Variants in DNA2 observed in about 807,000 individuals in gnomAD.
The protein encoded by DNA2 is DNA replication helicase/nuclease 2, also known as DNA replication ATP-dependent helicase/nuclease DNA2.
In DNA2, 101 loss-of-function variants were observed where a neutral mutation model predicts 119.1. The ratio of observed to expected loss-of-function variants is 0.85; its 90% CI spans 0.72 to 1.00. DNA2 has a LOEUF of 1.00. Among genes scored for constraint, DNA2 ranks in the 50% least tolerant of loss-of-function variants. The pLI is 0.00. For synonymous variants in DNA2, 366 were observed against 424.4 expected, an observed-to-expected ratio of 0.86 and a Z score of 1.69; for missense variants, 1,121 against 1,255.5, an observed-to-expected ratio of 0.89 and a Z score of 1.62.
At chr10:68,453,131 C>T (rs991958472) in intron 5 of DNA2, among the ~76,000 whole-genome samples, 2 of 150,424 alleles carry the variant, frequency 1.3e-5, no homozygotes, top group Admixed American at 6.6e-5. Context: ...TAACTCCTGA[C>T]CTCAGGTGAT....
intron 14 of DNA2, among the ~76,000 whole-genome samples, chr10:68,427,761 C>T (rs1419080388): frequency 7.2e-5 from 11 of 151,848 alleles, no homozygotes; most frequent in South Asian, 4.1e-4. Flanking sequence ...CAGCTGGGCA[C>T]GGTGGCTCAT....
chr10:68,415,203 C>CA, intron 20 of DNA2, 96 bp from the exon 21 acceptor site: 5 of 662,030 alleles, frequency 7.6e-6, no homozygotes, highest in Middle Eastern at 4.4e-4. Flanking sequence ...CTTACAGGAC[C>CA]ACAAAAAAAA....
intron 6 of DNA2, 112 bp downstream of exon 6, chr10:68,449,916 G>T: frequency 1.4e-6 from 1 of 737,640 alleles, no homozygotes. Flanking sequence ...GGAGCTTTCA[G>T]TGAGCCAAGA....
chr10:68,443,137 A>G (rs916033474), intron 8 of DNA2, 26 bp from the exon 9 acceptor site: 6 of 1,532,654 alleles, frequency 3.9e-6, no homozygotes, highest in Admixed American at 4.2e-5. Context: ...CAAGTTAGAG[A>G]TGCTTATAAA....
At chr10:68,427,031 C>A (rs2051750822) in intron 14 of DNA2, among the ~76,000 whole-genome samples, 1 of 151,816 alleles carries the variant, frequency 6.6e-6, no homozygotes, top group Non-Finnish European at 1.5e-5. Context: ...CCAAAATGGG[C>A]AAAAACATGA....
In DNA2 at chr10:68,438,894, A is replaced by G. The variant is rs1169134701; in HGVS notation, c.1416-1653T>C. On this transcript the variant is annotated intron_variant, in intron 9 of 20. Transcript: ENST00000358410. Reference sequence around the variant, plus strand: ...ACTAAAAATACAAAATTAGCCAGGCATGGTGGCAAGCACCTGTAATCCCAG... The same window carrying G: ...ACTAAAAATACAAAATTAGCCAGGCGTGGTGGCAAGCACCTGTAATCCCAG... 2.0e-5 allele frequency among the ~76,000 whole-genome samples: 3 copies of G among 151,346 alleles called. No homozygotes were observed. The East Asian group carries it at 5.9e-4, about 30-fold the overall frequency.
At chr10:68,428,462 T>A (rs1247297060) in intron 14 of DNA2, among the ~76,000 whole-genome samples, 1 of 151,564 alleles carries the variant, frequency 6.6e-6, no homozygotes, top group African/African-American at 2.4e-5. Flanking sequence ...CCAGAAATTG[T>A]ACTACTGGGA....
chr10:68,446,179 C>G (rs1028258911), intron 7 of DNA2, 117 bp downstream of exon 7: 19 of 602,274 alleles, frequency 3.2e-5, no homozygotes, highest in Non-Finnish European at 2.9e-6. Context: ...AAACCCACAG[C>G]TACAAATTAT....
At chr10:68,432,145 A>T in intron 12 of DNA2, 61 bp downstream of exon 12, 1 of 1,234,316 alleles carries the variant, frequency 8.1e-7, no homozygotes, top group Non-Finnish European at 1.2e-6. Flanking sequence ...ATTAGACTAC[A>T]GTATAAATCA....
intron 13 of DNA2, among the ~76,000 whole-genome samples, chr10:68,431,403 C>T (rs183895974): frequency 7.9e-5 from 12 of 152,116 alleles, no homozygotes; most frequent in Non-Finnish European, 1.6e-4. Context: ...CTGCCTCAGC[C>T]TCCCGAGTAA....
At chr10:68,442,192 G>C (rs1187526802) in intron 9 of DNA2, among the ~76,000 whole-genome samples, 1 of 151,624 alleles carries the variant, frequency 6.6e-6, no homozygotes, top group Non-Finnish European at 1.5e-5. Flanking sequence ...TGGGATTACA[G>C]GCATGACCCG....
intron 4 of DNA2, among the ~76,000 whole-genome samples, chr10:68,463,735 C>A (rs1367904101): frequency 6.6e-6 from 1 of 151,578 alleles, no homozygotes; most frequent in Non-Finnish European, 1.5e-5. Context: ...CATAATAACA[C>A]ATTCATCAGA....
chr10:68,469,936 T>C (rs2052366557), intron 2 of DNA2, 45 bp downstream of exon 2: 1 of 1,542,042 alleles, frequency 6.5e-7, no homozygotes, highest in Non-Finnish European at 8.8e-7. Context: ...TTTACGACAG[T>C]ACCCTTAAGA....
At chr10:68,446,172 C>A (rs2052036734) in intron 7 of DNA2, 124 bp downstream of exon 7, 1 of 577,498 alleles carries the variant, frequency 1.7e-6, no homozygotes, top group Admixed American at 3.4e-5. Flanking sequence ...ACAAAAAAAA[C>A]CCACAGCTAC....
intron 4 of DNA2, among the ~76,000 whole-genome samples, chr10:68,461,688 C>T (rs2052260737): frequency 6.6e-6 from 1 of 151,852 alleles, no homozygotes; most frequent in Non-Finnish European, 1.5e-5. Flanking sequence ...ATTAGCCAGG[C>T]ATGGTGGTGC....
intron 8 of DNA2, among the ~76,000 whole-genome samples, chr10:68,444,619 G>A (rs1317508008): frequency 1.3e-5 from 2 of 151,094 alleles, no homozygotes; most frequent in Non-Finnish European, 2.9e-5. Flanking sequence ...AGCTACTTGG[G>A]AGGCTGAGGC....
At position 68,443,006 on chromosome 10, in the gene DNA2, G is replaced by A. The variant is rs773968536; in HGVS notation, c.1326C>T (p.Ser442=). The change falls in exon 9 of 21, where the codon AGC becomes AGT. Residue 442 remains serine (S), a synonymous_variant. Transcript: ENST00000358410. ...HLKQTHLEYF[S]LWCLMLTLES... is the part of the protein sequence containing the mutation. ...CCAGGGTTAACATTAGACACCAAAG[G>A]CTGAAATATTCTAAGTGTGTTTGCT... 2.2e-5 allele frequency: 36 copies of A among 1,611,290 alleles called. No individual in the cohort carries two copies. Among genetic ancestry groups the A allele is most frequent in the Middle Eastern group, 1.6e-4 (1 of 6,062 alleles).
rs534958711 is a variant in DNA2, at chr10:68,415,944, C to T, written c.3114+765G>A. 3.9e-5 allele frequency among the ~76,000 whole-genome samples: 6 copies of T among 152,260 alleles called. No individual in the cohort carries two copies. The South Asian group carries it at 1.2e-3, about 32-fold the overall frequency. On this transcript the variant is annotated intron_variant, in intron 20 of 20. Coordinates refer to ENST00000358410, the MANE Select transcript of DNA2 (RefSeq NM_001080449.3). ...GGATTACAGGTGTGAGCCACCAGGC[C>T]CAGCCCATACACATTTTTAAAAAAC...
Position 68,471,943 on chromosome 10 carries a change from A to C in DNA2, c.-79T>G. On this transcript the variant is annotated 5_prime_UTR_variant, in exon 1 of 21. Coordinates refer to ENST00000358410, the MANE Select transcript of DNA2 (RefSeq NM_001080449.3). ...AACACAGAAAGCTTAGAAAAGGGAA[A>C]AAGGCGCGAGCCTGCGCACCTCGCG... is the stretch of plus-strand genomic sequence containing the variant. The C allele has an allele frequency of 6.2e-7, 1 of 1,613,368 alleles. No individual in the cohort carries two copies. Among genetic ancestry groups the C allele is most frequent in the South Asian group, 1.1e-5 (1 of 91,058 alleles).
Sources: allele counts gnomAD v4.1 joint callset (sites outside exome capture counted in the v4.1 genomes callset), GRCh38; gene constraint gnomAD v4.1.1; transcripts MANE v1.5; gene names NCBI Gene and HGNC (gene_info 2026-07-23, HGNC 2026-07-21).